Variants in PDPK1 observed in about 807,000 individuals in gnomAD.
PDPK1 encodes the protein 3-phosphoinositide dependent protein kinase 1, also known as 3-phosphoinositide-dependent protein kinase 1.
A neutral mutation model predicts 39.8 loss-of-function variants in PDPK1; 7 were observed. That is an observed-to-expected ratio of 0.18 (90% confidence interval 0.10 to 0.33). PDPK1 has a LOEUF of 0.33. Among genes scored for constraint, PDPK1 ranks in the 10% least tolerant of loss-of-function variants. The pLI is 1.00. For synonymous variants in PDPK1, 118 were observed against 159.1 expected (o/e 0.74, Z 1.95); for missense variants, 182 against 384.7 (o/e 0.47, Z 4.41).
chr16:2,597,907 T>A lies in PDPK1; in HGVS notation c.*140T>A. The A allele has an allele frequency of 1.7e-6, 1 of 586,956 alleles. No homozygotes were observed. Among genetic ancestry groups the A allele is most frequent in the South Asian group, 2.2e-5 (1 of 44,966 alleles). 36.4% of individuals were successfully genotyped at this position (586,956 alleles called of 1,614,324 possible). The stretch of plus-strand genomic sequence containing the variant: ...GCGGAAACCTTGCAGCATTTTTATT[T>A]AAAAGAAAAGAAGAAAAAAAACACC... On this transcript the variant is annotated 3_prime_UTR_variant, in exon 14 of 14. Coordinates refer to ENST00000342085, the MANE Select transcript of PDPK1 (RefSeq NM_002613.5). The surrounding 1 kb of genome is among the most constrained non-coding windows in gnomAD (Gnocchi z 6.3).
At chr16:2,545,581 G>A (rs1279520954) in intron 1 of PDPK1, among the ~76,000 whole-genome samples, 1 of 151,916 alleles carries the variant, frequency 6.6e-6, no homozygotes, top group East Asian at 1.9e-4. Context: ...TGTAACCTCC[G>A]CCTCCTGGGT....
rs539689181 is a variant in PDPK1, at chr16:2,602,097, C to G, written c.*4330C>G. 1.3e-5 allele frequency: 3 copies of G among 234,428 alleles called. No individual in the cohort carries two copies. Among genetic ancestry groups the G allele is most frequent in the South Asian group, 3.6e-4 (2 of 5,524 alleles). 14.5% of individuals were successfully genotyped at this position (234,428 alleles called of 1,614,324 possible). On this transcript the variant is annotated 3_prime_UTR_variant, in exon 14 of 14. Transcript: ENST00000342085. ...TGGTCACTGCTGAGACTTCAGAGAT[C>G]GCAGCTGCTGTGAGAATACGGTGAA...
chr16:2,601,395 G>A lies in PDPK1; in HGVS notation c.*3628G>A, dbSNP rs953435221. The A allele has an allele frequency of 4.3e-6, 1 of 234,518 alleles. No homozygotes were observed. Among genetic ancestry groups the A allele is most frequent in the Non-Finnish European group, 8.5e-6 (1 of 117,970 alleles). 14.5% of individuals were successfully genotyped at this position (234,518 alleles called of 1,614,324 possible). On this transcript the variant is annotated 3_prime_UTR_variant, in exon 14 of 14. Coordinates refer to ENST00000342085, the MANE Select transcript of PDPK1 (RefSeq NM_002613.5). Reference sequence around the variant, plus strand: ...TCCAAGAGCCAATTTCCTTGTTTTGGTTGCAAGAACCTGGCTCTGCCTGCA... The same window carrying A: ...TCCAAGAGCCAATTTCCTTGTTTTGATTGCAAGAACCTGGCTCTGCCTGCA...
Position 2,593,085 on chromosome 16 carries a change from G to A in PDPK1, c.1344-2708G>A, listed in dbSNP as rs1028138568. On this transcript the variant is annotated intron_variant, in intron 11 of 13. Coordinates refer to ENST00000342085, the MANE Select transcript of PDPK1 (RefSeq NM_002613.5). This position sits in a 1 kb window ranked among gnomAD's most constrained non-coding sequence, Gnocchi z 4.2. ...TACTTCTCAGTACTATTTCCGAATC[G>A]CTTCCTCAGTGAGTCCTCCCCAGGC... 5 of 455,872 alleles carry A rather than the reference G, an allele frequency of 1.1e-5. No homozygotes were observed. Among genetic ancestry groups the A allele is most frequent in the Non-Finnish European group, 2.2e-5 (5 of 226,936 alleles). The allele number at this position is 455,872 out of a possible 1,614,324, so 28.2% of individuals were successfully genotyped here. A position where few individuals can be genotyped will look rare whatever the true frequency, so the allele number is the denominator to read the frequency against.
Position 2,597,164 on chromosome 16 carries a change from A to G in PDPK1, c.1443A>G (p.Gly481=). The change falls in exon 13 of 14, where the codon GGA becomes GGG. Residue 481 remains glycine, a synonymous_variant. Coordinates refer to ENST00000342085, the MANE Select transcript of PDPK1 (RefSeq NM_002613.5). This position sits in a 1 kb window ranked among gnomAD's most constrained non-coding sequence, Gnocchi z 6.3. ...ARRRQLLLTE[G]PHLYYVDPVN... ...GACGACAGCTGTTGCTCACAGAAGG[A>G]CCACATTTATATTATGTGGATCCTG... 1.3e-6 allele frequency: 2 copies of G among 1,574,854 alleles called. No individual in the cohort carries two copies. The highest frequency in any genetic ancestry group is 1.4e-5 in the African/African-American group (1 of 73,936).
intron 12 of PDPK1, 86 bp downstream of exon 12, chr16:2,595,936 G>C (rs1464473924): frequency 3.1e-6 from 3 of 952,988 alleles, no homozygotes; most frequent in Non-Finnish European, 5.2e-6. Context: ...TGGTGGCGTG[G>C]AATCCTTCCA....
At chr16:2,541,876 G>T (rs565151965) in intron 1 of PDPK1, among the ~76,000 whole-genome samples, 1 of 152,008 alleles carries the variant, frequency 6.6e-6, no homozygotes, top group African/African-American at 2.4e-5. Flanking sequence ...TAGATCACAG[G>T]CAGGGCACAT....
chr16:2,588,683 T>G (rs1225124311), intron 11 of PDPK1, among the ~76,000 whole-genome samples: 1 of 152,170 alleles, frequency 6.6e-6, no homozygotes, highest in Non-Finnish European at 1.5e-5. Context: ...TAGGTCCTTT[T>G]GGGAAGCTGA....
In PDPK1 at chr16:2,603,099, T is replaced by C. The variant is rs866924043; in HGVS notation, c.*5332T>C. ...TGAATCTGTTTATCCTTTTTTTTTT[T>C]CCAAATACTTGTGCTTTAGGTGTAG... On this transcript the variant is annotated 3_prime_UTR_variant, in exon 14 of 14. Transcript: ENST00000342085. The C allele has an allele frequency of 2.6e-4, 59 of 226,442 alleles. No homozygotes were observed. Among genetic ancestry groups the C allele is most frequent in the Non-Finnish European group, 3.4e-4 (39 of 113,604 alleles). 14.0% of individuals were successfully genotyped at this position (226,442 alleles called of 1,614,324 possible). A position where few individuals can be genotyped will look rare whatever the true frequency, so the allele number is the denominator to read the frequency against.
At chr16:2,538,509 G>T (rs559064636) in intron 1 of PDPK1, 1 of 613,734 alleles carries the variant, frequency 1.6e-6, no homozygotes, top group Non-Finnish European at 2.7e-6. Context: ...TAGAGGAACC[G>T]CCCTGGGCTT....
chr16:2,586,106 G>A (rs1003724424), intron 10 of PDPK1, among the ~76,000 whole-genome samples: 3 of 152,354 alleles, frequency 2.0e-5, no homozygotes, highest in Admixed American at 2.0e-4. Flanking sequence ...TTTTCCTAGA[G>A]TAACAGGCAG....
intron 11 of PDPK1, among the ~76,000 whole-genome samples, chr16:2,590,429 T>C (rs1281049257): frequency 1.3e-5 from 2 of 152,196 alleles, no homozygotes; most frequent in Non-Finnish European, 2.9e-5. Flanking sequence ...CTTCTGAGCC[T>C]TTGTTAAAAA....
chr16:2,586,380 G>A (rs1272690152), intron 10 of PDPK1, among the ~76,000 whole-genome samples: 1 of 152,230 alleles, frequency 6.6e-6, no homozygotes. Context: ...GGCATTCACG[G>A]GGCCCGCAGG....
In PDPK1 at chr16:2,591,395, G is replaced by C. The variant is rs11863554; in HGVS notation, c.1344-4398G>C. On this transcript the variant is annotated intron_variant, in intron 11 of 13. Transcript: ENST00000342085. Reference sequence around the variant, plus strand: ...GTAGAAGAGCCCCTAGTGCAGGGTAGATTGATGGTTTTTAGTGTCACGGTG... The same window carrying C: ...GTAGAAGAGCCCCTAGTGCAGGGTACATTGATGGTTTTTAGTGTCACGGTG... Among the ~76,000 whole-genome samples the C allele has an allele frequency of 9.7e-3, 1,477 of 152,310 alleles. 13 individuals are homozygous for C. The highest frequency in any genetic ancestry group is 0.034 in the African/African-American group (1,408 of 41,564).
rs556669177 is a variant in PDPK1, at chr16:2,585,719, C to T, written c.1126-957C>T. Among the ~76,000 whole-genome samples, 8 of 152,346 alleles carry T rather than the reference C, an allele frequency of 5.3e-5. No individual in the cohort carries two copies. In the East Asian group the frequency reaches 1.5e-3, roughly 29 times the overall value. On this transcript the variant is annotated intron_variant, in intron 10 of 13. Coordinates refer to ENST00000342085, the MANE Select transcript of PDPK1 (RefSeq NM_002613.5). ...TTTCCACCATGCCCGTTGGCGAGCA[C>T]CTTGCTCCAGCCCAGCTGGGTGCGA...
At chr16:2,589,394 A>G (rs1249813644) in intron 11 of PDPK1, among the ~76,000 whole-genome samples, 1 of 152,188 alleles carries the variant, frequency 6.6e-6, no homozygotes, top group African/African-American at 2.4e-5. Flanking sequence ...CCTTGTGCCT[A>G]CATGAGAATA....
At chr16:2,551,784 A>C (rs1489390772) in intron 1 of PDPK1, among the ~76,000 whole-genome samples, 2 of 149,686 alleles carry the variant, frequency 1.3e-5, no homozygotes, top group Admixed American at 6.9e-5. Context: ...CTCCTACCTC[A>C]GCCTCCCGAG....
chr16:2,544,508 C>G (rs189613865), intron 1 of PDPK1, among the ~76,000 whole-genome samples: 1 of 152,286 alleles, frequency 6.6e-6, no homozygotes, highest in East Asian at 1.9e-4. Context: ...CAATGAATAT[C>G]CCTAGCCTTT....
rs1379703754 is a variant in PDPK1, at chr16:2,602,484, G to T, written c.*4717G>T. ...GAAGAAACACCAAACTATGTACAGA[G>T]AACTTTTTACAAAAGGCAGACCTTT... On this transcript the variant is annotated 3_prime_UTR_variant, in exon 14 of 14. Coordinates refer to ENST00000342085, the MANE Select transcript of PDPK1 (RefSeq NM_002613.5). The T allele has an allele frequency of 8.5e-6, 2 of 234,894 alleles. No individual in the cohort carries two copies. The highest frequency in any genetic ancestry group is 1.7e-5 in the Non-Finnish European group (2 of 118,126). The allele number at this position is 234,894 out of a possible 1,614,324, so 14.6% of individuals were successfully genotyped here.
Sources: allele counts gnomAD v4.1 joint callset (sites outside exome capture counted in the v4.1 genomes callset), GRCh38; gene constraint gnomAD v4.1.1; non-coding constraint Gnocchi (gnomAD v3.1); transcripts MANE v1.5; gene names NCBI Gene and HGNC (gene_info 2026-07-23, HGNC 2026-07-21).